The following OCA2 variants were observed in gnomAD, a reference collection of about 807,000 sequenced individuals.
The protein encoded by OCA2 is P protein.
A neutral mutation model predicts 100.2 loss-of-function variants in OCA2; 77 were observed. The observed-to-expected ratio is 0.77, with a 90% CI of 0.64 to 0.93. OCA2 has a LOEUF of 0.93. Among genes scored for constraint, OCA2 ranks in the 40% least tolerant of loss-of-function variants. The pLI, the probability that OCA2 is intolerant of heterozygous loss-of-function variation, is 0.00. For missense variants in OCA2, 1,062 were observed against 1,089.1 expected, an observed-to-expected ratio of 0.98 and a Z score of 0.35; for synonymous variants, 432 against 439.2, an observed-to-expected ratio of 0.98 and a Z score of 0.21.
In OCA2 at chr15:27,895,039, G is replaced by A. The variant is rs75352375; in HGVS notation, c.2080-23117C>T. On this transcript the variant is annotated intron_variant, in intron 19 of 23. Transcript: ENST00000354638. The stretch of plus-strand genomic sequence containing the variant: ...AAACCAGCCAACAGAAGAGATGCTG[G>A]CATTTGTAGCTAGACTTAGAGAAAG... Among the ~76,000 whole-genome samples, 692 of 152,314 alleles carry A rather than the reference G, an allele frequency of 4.5e-3. 7 individuals are homozygous for A. The highest frequency in any genetic ancestry group is 0.016 in the African/African-American group (657 of 41,568).
intron 2 of OCA2, among the ~76,000 whole-genome samples, chr15:28,040,356 G>A (rs2043167192): frequency 6.6e-6 from 1 of 152,142 alleles, no homozygotes; most frequent in Admixed American, 6.5e-5. Flanking sequence ...TGCAGTGAAA[G>A]CAGTACTAAA....
chr15:27,826,358 C>T (rs995872869), intron 23 of OCA2, among the ~76,000 whole-genome samples: 5 of 152,086 alleles, frequency 3.3e-5, no homozygotes, highest in African/African-American at 4.8e-5. Flanking sequence ...TTCCCACACA[C>T]ACACACACAC....
chr15:27,887,883 A>G (rs2037295669), intron 19 of OCA2, among the ~76,000 whole-genome samples: 1 of 151,640 alleles, frequency 6.6e-6, no homozygotes, highest in South Asian at 2.1e-4. Context: ...CAGCAAAGGT[A>G]ACCATGGGGG....
intron 23 of OCA2, among the ~76,000 whole-genome samples, chr15:27,832,686 A>T (rs1020833650): frequency 5.3e-5 from 8 of 152,174 alleles, no homozygotes; most frequent in African/African-American, 1.7e-4. Flanking sequence ...AGTTCAGCAC[A>T]CAGTATCTGC....
Position 27,985,079 on chromosome 15 carries a change from G to C in OCA2, c.1349C>G (p.Thr450Arg). 6.2e-7 allele frequency: 1 copy of C among 1,613,928 alleles called. No individual in the cohort carries two copies. The highest frequency in any genetic ancestry group is 2.2e-5 in the East Asian group (1 of 44,856). ...CTTTGCGTACCTTATGGTCACAGGC[G>C]TGAAGAGGAGCATGGTGGTGACGTT... The part of the protein sequence containing the change: ...LDNVTTMLLF[T>R]PVTIRLCEVL... The change falls in exon 13 of 24, where the codon ACG becomes AGG. Residue 450 changes from threonine (T) to arginine (R), a missense_variant. Coordinates refer to ENST00000354638, the MANE Select transcript of OCA2 (RefSeq NM_000275.3).
rs796344692 is a variant in OCA2 at position 27,835,909 on chromosome 15, G to T, written c.2432+9050C>A. On this transcript the variant is annotated intron_variant, in intron 23 of 23. Coordinates refer to ENST00000354638, the MANE Select transcript of OCA2 (RefSeq NM_000275.3). ...CTGAAAAGTATACAGTGGAGGGGGG[G>T]TGGTCACCCCGAATCAAAGTGGAGC... Among the ~76,000 whole-genome samples the T allele has an allele frequency of 4.7e-4, 72 of 152,318 alleles. 1 individual carries two copies. Among genetic ancestry groups the T allele is most frequent in the African/African-American group, 1.7e-3 (69 of 41,584 alleles).
rs141220938 is a variant in OCA2, at chr15:27,854,928, C to A, written c.2245-3453G>T. On this transcript the variant is annotated intron_variant, in intron 21 of 23. Coordinates refer to ENST00000354638, the MANE Select transcript of OCA2 (RefSeq NM_000275.3). ...GCAGTATCAAGGGAGGAGGCAATGT[C>A]TTCAAGCTTAGTGATGTGGAAATTC... 1.1e-4 allele frequency among the ~76,000 whole-genome samples: 16 copies of A among 152,296 alleles called. No homozygotes were observed. The East Asian group carries it at 3.1e-3, about 29-fold the overall frequency.
chr15:27,786,414 C>G (rs1035233895), intron 23 of OCA2, among the ~76,000 whole-genome samples: 1 of 152,130 alleles, frequency 6.6e-6, no homozygotes, highest in Non-Finnish European at 1.5e-5. Context: ...TGAACTGAGT[C>G]TTGAATATGA....
the OCA2 span, among the ~76,000 whole-genome samples, chr15:27,722,603 C>T: frequency 1.3e-5 from 2 of 150,684 alleles, no homozygotes; most frequent in Non-Finnish European, 3.0e-5. Context: ...ATATTTCTTT[C>T]CTTCTTTCCC....
chr15:27,926,116 T>C lies in OCA2; in HGVS notation c.2079+11A>G, dbSNP rs2039031721. ...GTAAAATGCCATATGGCAAAAGTTCTAAAATCTTACCTCCATCAGAACAAA... is the reference window on the plus strand; with the variant it reads ...GTAAAATGCCATATGGCAAAAGTTCCAAAATCTTACCTCCATCAGAACAAA... On this transcript the variant is annotated intron_variant, in intron 19 of 23. Coordinates refer to ENST00000354638, the MANE Select transcript of OCA2 (RefSeq NM_000275.3). 1.9e-6 allele frequency: 3 copies of C among 1,613,962 alleles called. No individual in the cohort carries two copies. Among genetic ancestry groups the C allele is most frequent in the Middle Eastern group, 1.6e-4 (1 of 6,082 alleles).
chr15:27,902,722 T>C (rs1476913344), intron 19 of OCA2, among the ~76,000 whole-genome samples: 1 of 152,136 alleles, frequency 6.6e-6, no homozygotes. Flanking sequence ...TAGGAAAGGC[T>C]TTGGGAACTC....
chr15:27,932,363 A>G (rs1451032197), intron 18 of OCA2, among the ~76,000 whole-genome samples: 1 of 152,180 alleles, frequency 6.6e-6, no homozygotes, highest in African/African-American at 2.4e-5. Flanking sequence ...CAAACCACAG[A>G]TGCCTGGGGA....
intron 21 of OCA2, among the ~76,000 whole-genome samples, chr15:27,859,466 A>C (rs1273788063): frequency 2.6e-5 from 4 of 152,190 alleles, no homozygotes; most frequent in Non-Finnish European, 5.9e-5. Flanking sequence ...ACCAAAACTG[A>C]CTCATGAAAA....
At chr15:27,827,429 A>C (rs185954898) in intron 23 of OCA2, among the ~76,000 whole-genome samples, 57 of 152,276 alleles carry the variant, frequency 3.7e-4, no homozygotes, top group Middle Eastern at 6.8e-3. Flanking sequence ...ATTTAGGACA[A>C]CACCACCTTC....
At chr15:27,885,429 C>T (rs1223178020) in intron 19 of OCA2, among the ~76,000 whole-genome samples, 3 of 152,284 alleles carry the variant, frequency 2.0e-5, no homozygotes, top group East Asian at 1.9e-4. Flanking sequence ...AACACACAGG[C>T]ATGAACAGGC....
chr15:27,968,616 T>C (rs1038156062), intron 14 of OCA2, among the ~76,000 whole-genome samples: 22 of 152,210 alleles, frequency 1.4e-4, no homozygotes, highest in Non-Finnish European at 3.2e-4. Context: ...ACAACACAAC[T>C]AGAGGCCATT....
At chr15:27,779,454 A>G (rs1313951756) in intron 23 of OCA2, among the ~76,000 whole-genome samples, 1 of 152,150 alleles carries the variant, frequency 6.6e-6, no homozygotes, top group African/African-American at 2.4e-5. Flanking sequence ...TGTTGGGTGC[A>G]TATATATTTA....
At chr15:27,990,729 GT>G (rs1278855056) in intron 9 of OCA2, 82 bp from the exon 10 acceptor site, 1 of 1,140,020 alleles carries the variant, frequency 8.8e-7, no homozygotes, top group Non-Finnish European at 1.3e-6. Flanking sequence ...ACATGAGGGG[GT>G]CTATATCTGC....
At chr15:27,774,510 T>C (rs2032077761) in intron 23 of OCA2, among the ~76,000 whole-genome samples, 1 of 152,208 alleles carries the variant, frequency 6.6e-6, no homozygotes, top group Non-Finnish European at 1.5e-5. Context: ...GTGTAGACCA[T>C]TTCCACTTCT....
Sources: gnomAD v4.1 joint callset for allele counts (sites outside exome capture counted in the v4.1 genomes callset) on GRCh38, gnomAD v4.1.1 for gene constraint, MANE v1.5 for transcripts, NCBI Gene and HGNC (gene_info 2026-07-23, HGNC 2026-07-21) for gene names.